AGAP1: variants seen among roughly 807,000 people sequenced by gnomAD.
The protein encoded by AGAP1 is arf-GAP with GTPase, ANK repeat and PH domain-containing protein 1.
In AGAP1, 29 loss-of-function variants were observed where a neutral mutation model predicts 105.3. That is an observed-to-expected ratio of 0.28 (90% CI 0.21 to 0.38). The LOEUF (loss-of-function observed/expected upper bound fraction) is 0.38. Among genes scored for constraint, AGAP1 ranks in the 10% least tolerant of loss-of-function variants. AGAP1 has a pLI of 1.00. For synonymous variants in AGAP1, 509 were observed against 485.9 expected, an observed-to-expected ratio of 1.05 and a Z score of -0.63; for missense variants, 998 against 1,165.1, an observed-to-expected ratio of 0.86 and a Z score of 2.09.
rs114781652 is a variant in AGAP1, at chr2:235,698,220, C to T, written c.164-10959C>T. ...CGCTGATATGACAGGAGGCGGGGCT[C>T]AGGAGGTGGTGTGAGCTTATGGGGA... On this transcript the variant is annotated intron_variant, in intron 1 of 17. Transcript: ENST00000304032. Among the ~76,000 whole-genome samples, 801 of 152,186 alleles carry T rather than the reference C, an allele frequency of 5.3e-3. 8 individuals carry two copies. Among genetic ancestry groups the T allele is most frequent in the African/African-American group, 0.018 (743 of 41,530 alleles).
intron 11 of AGAP1, among the ~76,000 whole-genome samples, chr2:235,924,843 C>A (rs947959259): frequency 1.3e-5 from 2 of 152,196 alleles, no homozygotes; most frequent in Non-Finnish European, 2.9e-5. Context: ...CAGATGTGCT[C>A]CCTCTTAAAG....
rs1949692914 is a variant in AGAP1, at chr2:235,690,655, C to G, written c.164-18524C>G. ...GCTCTGACGGGCTGGGCAGCCAGTG[C>G]TCCTGGCCCTGAATGTGTTTGAAGG... On this transcript the variant is annotated intron_variant, in intron 1 of 17. Transcript: ENST00000304032. The surrounding 1 kb of genome is among the most constrained non-coding windows in gnomAD (Gnocchi z 4.1). Among the ~76,000 whole-genome samples, 1 of 152,142 alleles carries G rather than the reference C, an allele frequency of 6.6e-6. No individual in the cohort carries two copies. Among genetic ancestry groups the G allele is most frequent in the Non-Finnish European group, 1.5e-5 (1 of 68,030 alleles).
In AGAP1 at chr2:235,550,599, G is replaced by A. The variant is rs927432737; in HGVS notation, c.163+55750G>A. On this transcript the variant is annotated intron_variant, in intron 1 of 17. Transcript: ENST00000304032. The surrounding 1 kb of genome is among the most constrained non-coding windows in gnomAD (Gnocchi z 4.6). ...GGCGTCGGTCTGGGAGCCACAGACA[G>A]GTGTGTTTGCCGCAGAGGTGCCGAG... is the stretch of plus-strand genomic sequence containing the variant. Among the ~76,000 whole-genome samples the A allele has an allele frequency of 3.9e-5, 6 of 152,168 alleles. No individual in the cohort carries two copies. The highest frequency in any genetic ancestry group is 1.4e-4 in the African/African-American group (6 of 41,434).
intron 6 of AGAP1, among the ~76,000 whole-genome samples, chr2:235,767,741 C>T (rs1955083125): frequency 6.7e-6 from 1 of 149,850 alleles, no homozygotes; most frequent in Admixed American, 6.6e-5. Flanking sequence ...GTAATGTATA[C>T]CATTTATCTT....
rs1168847156 is a variant in AGAP1, at chr2:236,036,067, G to C, written c.1646-494G>C. On this transcript the variant is annotated intron_variant, in intron 13 of 17. Transcript: ENST00000304032. The surrounding 1 kb of genome is among the most constrained non-coding windows in gnomAD (Gnocchi z 5.7). Reference sequence around the variant, plus strand: ...CTCCCTGTCTGAAAACGTGGGAATTGATGCCTCTCCCACGGTAACAGGTCC... The same window carrying C: ...CTCCCTGTCTGAAAACGTGGGAATTCATGCCTCTCCCACGGTAACAGGTCC... Among the ~76,000 whole-genome samples the C allele has an allele frequency of 6.6e-6, 1 of 152,078 alleles. No homozygotes were observed. Among genetic ancestry groups the C allele is most frequent in the African/African-American group, 2.4e-5 (1 of 41,386 alleles).
rs537770548 is a variant in AGAP1 at position 235,882,582 on chromosome 2, C to T, written c.1051-763C>T. 8.9e-5 allele frequency: 49 copies of T among 553,494 alleles called. No individual in the cohort carries two copies. The highest frequency in any genetic ancestry group is 1.3e-4 in the Non-Finnish European group (42 of 315,538). The allele number at this position is 553,494 out of a possible 1,614,324, so 34.3% of individuals were successfully genotyped here. A position where few individuals can be genotyped will look rare whatever the true frequency, so the allele number is the denominator to read the frequency against. ...GGGTTCAAGCAATTCCCCTGCTCAG[C>T]CTCCCCGAGTAGCTGGGATTATAGG... On this transcript the variant is annotated intron_variant, in intron 9 of 17. Coordinates refer to ENST00000304032, the MANE Select transcript of AGAP1 (RefSeq NM_001037131.3). The surrounding 1 kb of genome is among the most constrained non-coding windows in gnomAD (Gnocchi z 4.6).
rs531705107 is a variant in AGAP1, at chr2:235,523,554, C to T, written c.163+28705C>T. On this transcript the variant is annotated intron_variant, in intron 1 of 17. Coordinates refer to ENST00000304032, the MANE Select transcript of AGAP1 (RefSeq NM_001037131.3). ...TGCCCATGTCATGGTACGTGCTGTCCGCTAAGCTCCCTCCCAGCCCTTAGT... is the reference window on the plus strand; with the variant it reads ...TGCCCATGTCATGGTACGTGCTGTCTGCTAAGCTCCCTCCCAGCCCTTAGT... Among the ~76,000 whole-genome samples, 71 of 152,234 alleles carry T rather than the reference C, an allele frequency of 4.7e-4. 1 individual carries two copies. The South Asian group carries it at 6.6e-3, about 14-fold the overall frequency.
At position 236,105,768 on chromosome 2, in the gene AGAP1, T is replaced by C. The variant is rs2059473594; in HGVS notation, c.2115-14424T>C. Among the ~76,000 whole-genome samples the C allele has an allele frequency of 6.6e-6, 1 of 152,030 alleles. No homozygotes were observed. The highest frequency in any genetic ancestry group is 2.1e-4 in the South Asian group (1 of 4,800). The stretch of plus-strand genomic sequence containing the variant: ...GCCACCATGCCCGGCTGATTTTGTT[T>C]TTGTATTTTTAGTAGAGACGGGGTT... On this transcript the variant is annotated intron_variant, in intron 16 of 17. Transcript: ENST00000304032. This position sits in a 1 kb window ranked among gnomAD's most constrained non-coding sequence, Gnocchi z 4.2.
At chr2:235,670,472 C>CCGGCCGAGGAGGAGGGACGCGGCT in intron 1 of AGAP1, 1 of 522,772 alleles carries the variant, frequency 1.9e-6, no homozygotes, top group Non-Finnish European at 3.4e-6. Flanking sequence ...CGGCAGCGCC[C>CCGGCCGAGGAGGAGGGACGCGGCT]CGGCCGAGGA....
Position 235,982,092 on chromosome 2 carries a change from C to G in AGAP1, c.1645+13469C>G, listed in dbSNP as rs1212189593. 6.6e-6 allele frequency among the ~76,000 whole-genome samples: 1 copy of G among 152,196 alleles called. No homozygotes were observed. Among genetic ancestry groups the G allele is most frequent in the Non-Finnish European group, 1.5e-5 (1 of 68,044 alleles). On this transcript the variant is annotated intron_variant, in intron 13 of 17. Coordinates refer to ENST00000304032, the MANE Select transcript of AGAP1 (RefSeq NM_001037131.3). The surrounding 1 kb of genome is among the most constrained non-coding windows in gnomAD (Gnocchi z 4.9). ...ATTGACAGAATGCATTTTTACAGCA[C>G]TTAGAAAATACCAGATCCACGAAGA...
intron 1 of AGAP1, among the ~76,000 whole-genome samples, chr2:235,674,834 G>A (rs567230044): frequency 4.0e-5 from 6 of 151,678 alleles, no homozygotes; most frequent in African/African-American, 1.4e-4. Flanking sequence ...GACTAGAGGC[G>A]CATGCCACCG....
intron 6 of AGAP1, among the ~76,000 whole-genome samples, chr2:235,762,406 CA>C (rs1475839156): frequency 6.6e-6 from 1 of 151,638 alleles, no homozygotes; most frequent in Non-Finnish European, 1.5e-5. Flanking sequence ...CCGAGCAGAT[CA>C]GGGGCATCCC....
Position 235,700,950 on chromosome 2 carries a change from A to G in AGAP1, c.164-8229A>G, listed in dbSNP as rs1216190350. Among the ~76,000 whole-genome samples the G allele has an allele frequency of 6.8e-6, 1 of 147,502 alleles. No homozygotes were observed. The highest frequency in any genetic ancestry group is 2.5e-5 in the African/African-American group (1 of 40,510). ...ACACATGCTAGCATATTTGTAATAT[A>G]TATATTATGTATTATGTATATATTA... is the stretch of plus-strand genomic sequence containing the variant. On this transcript the variant is annotated intron_variant, in intron 1 of 17. Transcript: ENST00000304032. This position sits in a 1 kb window ranked among gnomAD's most constrained non-coding sequence, Gnocchi z 6.1.
chr2:236,007,360 G>C (rs1352128185), intron 13 of AGAP1, among the ~76,000 whole-genome samples: 1 of 152,162 alleles, frequency 6.6e-6, no homozygotes, highest in Non-Finnish European at 1.5e-5. Flanking sequence ...GGATAACCCT[G>C]AAGTGTATCA....
chr2:235,605,171 C>T (rs1410156139), intron 1 of AGAP1, among the ~76,000 whole-genome samples: 1 of 152,220 alleles, frequency 6.6e-6, no homozygotes, highest in Admixed American at 6.5e-5. Context: ...AGCCACTGTG[C>T]CCAGCCTCAT....
rs755003432 is a variant in AGAP1, at chr2:235,709,180, T to A, written c.165T>A (p.Asp55Glu). The A allele has an allele frequency of 6.2e-7, 1 of 1,614,112 alleles. No homozygotes were observed. The highest frequency in any genetic ancestry group is 1.7e-5 in the Admixed American group (1 of 60,018). Residue 55 changes from aspartate (D) to glutamate (E), a missense_variant and splice_region_variant, in exon 2 of 18, where the codon GAT becomes GAA. Asp to Glu is a conservative substitution (Grantham distance 45). Transcript: ENST00000304032. Reference sequence around the variant, plus strand: ...ACTTTGTGTCCTCCTCTTTTTCAGATGCCTTCGTGAACAGCCAGGAATGGA... The same window carrying A: ...ACTTTGTGTCCTCCTCTTTTTCAGAAGCCTTCGTGAACAGCCAGGAATGGA... ...QIREHVIAIEDAFVNSQEWTL... is the reference protein window; with the variant it reads ...QIREHVIAIEEAFVNSQEWTL...
intron 13 of AGAP1, among the ~76,000 whole-genome samples, chr2:235,996,663 G>T (rs1323229969): frequency 6.6e-6 from 1 of 152,210 alleles, no homozygotes; most frequent in Admixed American, 6.5e-5. Flanking sequence ...AAGGAGAGAG[G>T]CTGGAGCACA....
At position 235,744,827 on chromosome 2, in the gene AGAP1, G is replaced by T; in HGVS notation, c.526G>T (p.Val176Leu). 6.2e-7 allele frequency: 1 copy of T among 1,614,030 alleles called. No individual in the cohort carries two copies. The highest frequency in any genetic ancestry group is 1.1e-5 in the South Asian group (1 of 91,072). The change falls in exon 5 of 18, where the codon GTG (valine) becomes TTG (leucine). Residue 176 changes from valine to leucine, a missense_variant. Val to Leu is a conservative substitution (Grantham distance 32). Around this residue, in one of 3 missense-constraint regions of AGAP1, gnomAD observed 735 missense variants for 833.4 expected, o/e 0.88. Coordinates refer to ENST00000304032, the MANE Select transcript of AGAP1 (RefSeq NM_001037131.3). The surrounding 1 kb of genome is among the most constrained non-coding windows in gnomAD (Gnocchi z 5.2). Reference protein sequence around the residue: ...RNTSEIPLVLVGTQDAISSAN... With the variant: ...RNTSEIPLVLLGTQDAISSAN... ...CACGAGCGAGATTCCTCTGGTTCTG[G>T]TGGGAACCCAGGGTGAGTGATGTTC...
chr2:236,074,835 A>G lies in AGAP1; in HGVS notation c.2114+25554A>G, dbSNP rs536186147. On this transcript the variant is annotated intron_variant, in intron 16 of 17. Transcript: ENST00000304032. ...TTTGAGAGGCTGAAGCATGCGCATC[A>G]GTTGAGCTCATGAGTTCAAGACCAG... Among the ~76,000 whole-genome samples, 169 of 152,308 alleles carry G rather than the reference A, an allele frequency of 1.1e-3. 2 individuals are homozygous for G. The highest frequency in any genetic ancestry group is 2.9e-3 in the South Asian group (14 of 4,830).
Sources: gnomAD v4.1 joint callset for allele counts (sites outside exome capture counted in the v4.1 genomes callset) on GRCh38, gnomAD v4.1.1 for gene constraint, gnomAD v4.1.1 regional missense constraint, Gnocchi (gnomAD v3.1) non-coding constraint, MANE v1.5 for transcripts, NCBI Gene and HGNC (gene_info 2026-07-23, HGNC 2026-07-21) for gene names.